COL28A1: variants seen among roughly 807,000 people sequenced by gnomAD.
The protein encoded by COL28A1 is collagen alpha-1(XXVIII) chain.
COL28A1 carries 161 observed loss-of-function variants against 150.2 expected under a neutral mutation model. The ratio of observed to expected loss-of-function variants is 1.07; its 90% CI spans 0.94 to 1.22. The LOEUF is 1.22. COL28A1 is among the 50% of genes most tolerant of loss of function. The pLI is 0.00. For synonymous variants in COL28A1, 552 were observed against 469.7 expected, an observed-to-expected ratio of 1.18 and a Z score of -2.26; for missense variants, 1,617 against 1,388.3, an observed-to-expected ratio of 1.16 and a Z score of -2.62.
At chr7:7,533,014 A>G in intron 1 of COL28A1, 102 bp from the exon 2 acceptor site, 1 of 1,226,062 alleles carries the variant, frequency 8.2e-7, no homozygotes, top group Non-Finnish European at 1.1e-6. Context: ...TGACTGGAAA[A>G]AAGAGGTTTT....
At chr7:7,367,998 G>A (rs1781026365) in intron 33 of COL28A1, among the ~76,000 whole-genome samples, 1 of 151,538 alleles carries the variant, frequency 6.6e-6, no homozygotes, top group African/African-American at 2.4e-5. Context: ...TTCAATCTGT[G>A]CCTCCTTTTT....
At position 7,358,128 on chromosome 7, in the gene COL28A1, C is replaced by A. The variant is rs1385921471; in HGVS notation, c.*505G>T. ...CTAACTACCCTCACCATCCCGACTC[C>A]TATCCCAGCACTCCTGCGTAAACAT... On this transcript the variant is annotated 3_prime_UTR_variant, in exon 35 of 35. Transcript: ENST00000399429. 3 of 152,258 alleles carry A rather than the reference C, an allele frequency of 2.0e-5. No individual in the cohort carries two copies. The highest frequency in any genetic ancestry group is 7.2e-5 in the African/African-American group (3 of 41,436). The allele number at this position is 152,258 out of a possible 1,614,324, so 9.4% of individuals were successfully genotyped here.
At chr7:7,435,147 A>G (rs1785249778) in intron 23 of COL28A1, among the ~76,000 whole-genome samples, 1 of 152,198 alleles carries the variant, frequency 6.6e-6, no homozygotes, top group Admixed American at 6.5e-5. Flanking sequence ...CATCAACAGA[A>G]AACAGGTGAG....
chr7:7,338,272 G>A, the COL28A1 span, among the ~76,000 whole-genome samples: 2 of 151,834 alleles, frequency 1.3e-5, no homozygotes, highest in Non-Finnish European at 2.9e-5. Flanking sequence ...GCAATCTGTA[G>A]ATAGCTCTGG....
rs1018156195 is a variant in COL28A1 at position 7,531,522 on chromosome 7, T to C, written c.507A>G (p.Pro169=). 10 of 1,611,794 alleles carry C rather than the reference T, an allele frequency of 6.2e-6. No individual in the cohort carries two copies. The highest frequency in any genetic ancestry group is 6.8e-6 in the Non-Finnish European group (8 of 1,178,088). The change falls in exon 3 of 35, where the codon CCA becomes CCG. Residue 169 remains proline, a synonymous_variant. Transcript: ENST00000399429. ...MTDGIDHPKN[P]DVQSISEDAR... ...CATCTTCAGAAATACTTTGAACATC[T>C]GGATTCTTTGGATGGTCGATGCCAT...
chr7:7,471,500 G>A (rs1037670401), intron 15 of COL28A1, among the ~76,000 whole-genome samples: 6 of 152,100 alleles, frequency 3.9e-5, no homozygotes, highest in African/African-American at 7.2e-5. Context: ...ATCCAACAAC[G>A]TATCAAAAAG....
At chr7:7,447,906 A>T (rs1786385995) in intron 18 of COL28A1, among the ~76,000 whole-genome samples, 1 of 152,046 alleles carries the variant, frequency 6.6e-6, no homozygotes, top group African/African-American at 2.4e-5. Context: ...ATCTCTACTA[A>T]AAAATACAAA....
intron 25 of COL28A1, chr7:7,431,624 A>C (rs1417937066): frequency 2.1e-6 from 1 of 471,154 alleles, no homozygotes; most frequent in African/African-American, 2.0e-5. Context: ...AGGATCTTCA[A>C]GGCCATGGGA....
chr7:7,342,531 A>G, the COL28A1 span, among the ~76,000 whole-genome samples: 1 of 151,518 alleles, frequency 6.6e-6, no homozygotes, highest in African/African-American at 2.4e-5. Flanking sequence ...CTTTTTTTAG[A>G]TTAATTACTT....
intron 13 of COL28A1, among the ~76,000 whole-genome samples, chr7:7,478,471 T>C (rs1207023412): frequency 1.3e-5 from 2 of 152,274 alleles, no homozygotes; most frequent in Non-Finnish European, 2.9e-5. Context: ...CCCAGGAGCC[T>C]AGCTGGCTTC....
rs1781839050 is a variant in COL28A1, at chr7:7,380,943, T to G, written c.2206-81A>C. 2.5e-6 allele frequency: 3 copies of G among 1,196,284 alleles called. No homozygotes were observed. The East Asian group carries it at 7.0e-5, about 28-fold the overall frequency. The allele number at this position is 1,196,284 out of a possible 1,614,324, so 74.1% of individuals were successfully genotyped here. Reference sequence around the variant, plus strand: ...AGAAAAGCTCTATAATTTGGTTATCTGCAACTGGCATCTCTTGAAGACCTT... The same window carrying G: ...AGAAAAGCTCTATAATTTGGTTATCGGCAACTGGCATCTCTTGAAGACCTT... On this transcript the variant is annotated intron_variant, in intron 28 of 34. Transcript: ENST00000399429.
At chr7:7,444,731 G>A (rs751297502) in intron 18 of COL28A1, among the ~76,000 whole-genome samples, 3 of 152,128 alleles carry the variant, frequency 2.0e-5, no homozygotes, top group Non-Finnish European at 2.9e-5. Flanking sequence ...CTTTGTACCT[G>A]TGAATGTAAC....
chr7:7,424,838 T>G (rs1242928871), intron 25 of COL28A1, among the ~76,000 whole-genome samples: 1 of 152,170 alleles, frequency 6.6e-6, no homozygotes, highest in Non-Finnish European at 1.5e-5. Context: ...CAGGACTGTC[T>G]GCAGTATTTG....
At chr7:7,349,483 T>A in the COL28A1 span, among the ~76,000 whole-genome samples, 7 of 152,224 alleles carry the variant, frequency 4.6e-5, no homozygotes, top group Non-Finnish European at 8.8e-5. Flanking sequence ...CCTCTGCAGA[T>A]CTCCTAAGTT....
intron 25 of COL28A1, among the ~76,000 whole-genome samples, chr7:7,430,923 G>C (rs961465646): frequency 3.3e-5 from 5 of 152,192 alleles, no homozygotes; most frequent in African/African-American, 9.6e-5. Context: ...GGTTTGTCCT[G>C]TCTGTACAGT....
At chr7:7,392,375 A>T (rs1342925219) in intron 27 of COL28A1, among the ~76,000 whole-genome samples, 5 of 152,298 alleles carry the variant, frequency 3.3e-5, no homozygotes, top group Non-Finnish European at 4.4e-5. Context: ...CTTTGTGGGT[A>T]ACCTGACCTT....
intron 9 of COL28A1, among the ~76,000 whole-genome samples, chr7:7,510,428 G>A (rs924986416): frequency 1.3e-5 from 2 of 152,062 alleles, no homozygotes; most frequent in African/African-American, 2.4e-5. Context: ...GGGACTACAG[G>A]TGCACGCCAC....
At chr7:7,541,737 C>A in the COL28A1 span, among the ~76,000 whole-genome samples, 1 of 151,982 alleles carries the variant, frequency 6.6e-6, no homozygotes, top group African/African-American at 2.4e-5. Flanking sequence ...AATGAGGAGA[C>A]GAACGAAAGA....
At chr7:7,427,286 G>A (rs183582470) in intron 25 of COL28A1, among the ~76,000 whole-genome samples, 221 of 152,218 alleles carry the variant, frequency 1.5e-3, no homozygotes, top group Non-Finnish European at 2.2e-3. Context: ...TCTAAACTTT[G>A]TATGGCTCTG....
Sources: gnomAD v4.1 joint callset for allele counts (sites outside exome capture counted in the v4.1 genomes callset) on GRCh38, gnomAD v4.1.1 for gene constraint, MANE v1.5 for transcripts, NCBI Gene and HGNC (gene_info 2026-07-23, HGNC 2026-07-21) for gene names.